The following FBXW11 variants were observed in gnomAD, a reference collection of about 807,000 sequenced individuals.
FBXW11 encodes F-box/WD repeat-containing protein 11.
A neutral mutation model predicts 77.6 loss-of-function variants in FBXW11; 19 were observed. The ratio of observed to expected loss-of-function variants is 0.24; its 90% CI spans 0.17 to 0.36. The LOEUF (loss-of-function observed/expected upper bound fraction) is 0.36. Among genes scored for constraint, FBXW11 ranks in the 10% least tolerant of loss-of-function variants. The pLI, the probability that FBXW11 is intolerant of heterozygous loss-of-function variation, is 1.00. For synonymous variants in FBXW11, 235 were observed against 249.4 expected, an observed-to-expected ratio of 0.94 and a Z score of 0.54; for missense variants, 334 against 704.2, an observed-to-expected ratio of 0.47 and a Z score of 5.95.
At chr5:171,923,827 A>T (rs1429329533) in intron 2 of FBXW11, among the ~76,000 whole-genome samples, 1 of 151,712 alleles carries the variant, frequency 6.6e-6, no homozygotes, top group Non-Finnish European at 1.5e-5. Flanking sequence ...GACTATACAG[A>T]CATAACACAT....
In FBXW11 at chr5:172,006,569, C is replaced by CGGCGGAGGCGGCAGA. The variant is rs1315855421; in HGVS notation, c.-82_-68dup. ...CGAACGGCCCGGGCGGAGGAGGCGACGGCGGAGGCGGCAGAGGCGGAGGCG... is the reference window on the plus strand; with the variant it reads ...CGAACGGCCCGGGCGGAGGAGGCGACGGCGGAGGCGGCAGAGGCGGAGGCGGCAGAGGCGGAGGCG... On this transcript the variant is annotated 5_prime_UTR_variant, in exon 1 of 14. Transcript: ENST00000517395. The CGGCGGAGGCGGCAGA allele has an allele frequency of 6.3e-6, 9 of 1,432,500 alleles. No homozygotes were observed. The highest frequency in any genetic ancestry group is 1.5e-5 in the African/African-American group (1 of 67,152). 88.7% of individuals were successfully genotyped at this position (1,432,500 alleles called of 1,614,324 possible).
intron 1 of FBXW11, among the ~76,000 whole-genome samples, chr5:172,004,053 C>T (rs1370021663): frequency 2.0e-5 from 3 of 152,164 alleles, no homozygotes; most frequent in Non-Finnish European, 4.4e-5. Context: ...CTCCATCAAT[C>T]GTATTATCTT....
intron 7 of FBXW11, among the ~76,000 whole-genome samples, chr5:171,884,834 C>G (rs1300709252): frequency 1.3e-5 from 2 of 152,000 alleles, no homozygotes; most frequent in Non-Finnish European, 2.9e-5. Flanking sequence ...TATTTTTTTG[C>G]AGCTATTGTA....
At chr5:171,980,473 C>G (rs1765080176) in intron 1 of FBXW11, among the ~76,000 whole-genome samples, 1 of 152,110 alleles carries the variant, frequency 6.6e-6, no homozygotes, top group African/African-American at 2.4e-5. Context: ...ATATACGCAT[C>G]TGACAAAGGA....
chr5:171,879,231 C>A (rs572721308), intron 7 of FBXW11, among the ~76,000 whole-genome samples: 21 of 152,322 alleles, frequency 1.4e-4, no homozygotes, highest in South Asian at 1.2e-3. Flanking sequence ...AGATTGGCTT[C>A]TTTCACACAG....
At chr5:171,996,940 T>C in intron 1 of FBXW11, 1 of 1,289,690 alleles carries the variant, frequency 7.8e-7, no homozygotes, top group Non-Finnish European at 1.0e-6. Context: ...GAATGGGGGT[T>C]TTCCCTTTCA....
chr5:171,941,082 A>G (rs1352910591), intron 2 of FBXW11, among the ~76,000 whole-genome samples: 3 of 152,204 alleles, frequency 2.0e-5, no homozygotes, highest in Non-Finnish European at 4.4e-5. Flanking sequence ...TGGAGTTTCA[A>G]AGTACCTCCC....
intron 7 of FBXW11, among the ~76,000 whole-genome samples, chr5:171,890,609 C>T (rs1759280221): frequency 6.6e-6 from 1 of 151,932 alleles, no homozygotes; most frequent in Non-Finnish European, 1.5e-5. Flanking sequence ...GAGCCAGTAA[C>T]CCCACTCCTC....
At chr5:171,891,740 G>A in intron 6 of FBXW11, 136 bp from the exon 7 acceptor site, 2 of 756,672 alleles carry the variant, frequency 2.6e-6, no homozygotes, top group Non-Finnish European at 4.0e-6. Flanking sequence ...CTGTGGATAG[G>A]ATCATGCTCT....
At chr5:171,864,160 A>G (rs777176510) in intron 13 of FBXW11, 59 bp from the exon 14 acceptor site, 2 of 152,236 alleles carry the variant, frequency 1.3e-5, no homozygotes, top group Non-Finnish European at 2.9e-5. Flanking sequence ...TTAGATGAGA[A>G]TACACACACT....
chr5:171,872,848 G>T, intron 10 of FBXW11, 24 bp downstream of exon 10: 1 of 1,572,376 alleles, frequency 6.4e-7, no homozygotes, highest in Non-Finnish European at 8.8e-7. Context: ...AGCCTGCTCT[G>T]TCAGCACACC....
intron 13 of FBXW11, among the ~76,000 whole-genome samples, chr5:171,865,302 T>C (rs1757318857): frequency 6.6e-6 from 1 of 151,650 alleles, no homozygotes; most frequent in South Asian, 2.1e-4. Flanking sequence ...AAAAAAAGTC[T>C]TCAAACGTGA....
chr5:171,902,788 C>T (rs1760217191), intron 4 of FBXW11, among the ~76,000 whole-genome samples: 1 of 152,210 alleles, frequency 6.6e-6, no homozygotes, highest in African/African-American at 2.4e-5. Context: ...TCCAGGCATA[C>T]AATGTATTTA....
In FBXW11 at chr5:171,861,746, A is replaced by G. The variant is rs1270267216; in HGVS notation, c.*2381T>C. On this transcript the variant is annotated 3_prime_UTR_variant, in exon 14 of 14. Coordinates refer to ENST00000517395, the MANE Select transcript of FBXW11 (RefSeq NM_001378974.1). Reference sequence around the variant, plus strand: ...CCACAGTACAAAGCTGTCATGAATAATATCTGTACAATTTAACAGTTTCAA... The same window carrying G: ...CCACAGTACAAAGCTGTCATGAATAGTATCTGTACAATTTAACAGTTTCAA... The G allele has an allele frequency of 3.3e-5, 5 of 152,802 alleles. No individual in the cohort carries two copies. Among genetic ancestry groups the G allele is most frequent in the South Asian group, 2.1e-4 (1 of 4,834 alleles). The allele number at this position is 152,802 out of a possible 1,614,324, so 9.5% of individuals were successfully genotyped here.
intron 2 of FBXW11, among the ~76,000 whole-genome samples, chr5:171,956,500 T>A (rs1292004429): frequency 6.6e-6 from 1 of 152,164 alleles, no homozygotes; most frequent in Non-Finnish European, 1.5e-5. Flanking sequence ...GCAATTTGAA[T>A]CAATAACCAC....
At chr5:171,886,728 G>A (rs1464740962) in intron 7 of FBXW11, among the ~76,000 whole-genome samples, 5 of 151,902 alleles carry the variant, frequency 3.3e-5, no homozygotes, top group African/African-American at 7.3e-5. Context: ...AATAGAGTTC[G>A]GTGGGCCAGG....
At chr5:171,895,926 C>G (rs1010491689) in intron 6 of FBXW11, among the ~76,000 whole-genome samples, 2 of 152,184 alleles carry the variant, frequency 1.3e-5, no homozygotes, top group Non-Finnish European at 2.9e-5. Flanking sequence ...TTCAGAGGCC[C>G]TCTAAACCCT....
At chr5:171,982,307 T>A (rs1765192646) in intron 1 of FBXW11, among the ~76,000 whole-genome samples, 1 of 152,244 alleles carries the variant, frequency 6.6e-6, no homozygotes, top group East Asian at 1.9e-4. Context: ...TTTGCTCTTG[T>A]TGCCCAGGCT....
At chr5:172,004,133 G>C (rs1766583416) in intron 1 of FBXW11, among the ~76,000 whole-genome samples, 1 of 152,174 alleles carries the variant, frequency 6.6e-6, no homozygotes, top group Non-Finnish European at 1.5e-5. Context: ...AAAACAGAAA[G>C]CCACATGCAA....
Sources: gnomAD v4.1 joint callset for allele counts (sites outside exome capture counted in the v4.1 genomes callset) on GRCh38, gnomAD v4.1.1 for gene constraint, MANE v1.5 for transcripts, NCBI Gene and HGNC (gene_info 2026-07-23, HGNC 2026-07-21) for gene names.